IMMP2L: variants seen among roughly 807,000 people sequenced by gnomAD.
The protein encoded by IMMP2L is mitochondrial inner membrane protease subunit 2.
A neutral mutation model predicts 19.3 loss-of-function variants in IMMP2L; 18 were observed. That is an observed-to-expected ratio of 0.93 (90% CI 0.64 to 1.38). The LOEUF is 1.38. Among genes scored for constraint, IMMP2L ranks in the 40% most tolerant of loss-of-function variants. The pLI is 0.00. For synonymous variants in IMMP2L, 76 were observed against 73.0 expected (o/e 1.04, Z -0.21); for missense variants, 233 against 218.2 (o/e 1.07, Z -0.43).
intron 4 of IMMP2L, among the ~76,000 whole-genome samples, chr7:110,928,377 ACACACACACAC>A (rs1815094616): frequency 6.7e-6 from 1 of 149,568 alleles, no homozygotes; most frequent in African/African-American, 2.5e-5. Context: ...ACACACACAC[ACACACACACAC>A]ACACACACAC....
At position 111,388,209 on chromosome 7, in the gene IMMP2L, G is replaced by A. The variant is rs191424613; in HGVS notation, c.239+99029C>T. Among the ~76,000 whole-genome samples, 34 of 152,004 alleles carry A rather than the reference G, an allele frequency of 2.2e-4. No individual in the cohort carries two copies. The East Asian group carries it at 3.9e-3, about 17-fold the overall frequency. ...ATTAGCTGGCACAGACAGCAAGACC[G>A]GGACCAAATATTCAACCAGTTGGCT... On this transcript the variant is annotated intron_variant, in intron 3 of 5. Coordinates refer to ENST00000405709, the MANE Select transcript of IMMP2L (RefSeq NM_032549.4).
chr7:111,553,185 G>A (rs1162657036), intron 1 of IMMP2L, among the ~76,000 whole-genome samples: 1 of 152,098 alleles, frequency 6.6e-6, no homozygotes, highest in Non-Finnish European at 1.5e-5. Context: ...TACATATGAG[G>A]CTCAGAGAGG....
intron 3 of IMMP2L, among the ~76,000 whole-genome samples, chr7:111,381,062 T>C (rs1831152989): frequency 6.6e-6 from 1 of 151,996 alleles, no homozygotes; most frequent in Non-Finnish European, 1.5e-5. Flanking sequence ...GATGCCTGCA[T>C]TTCCATCAAC....
At chr7:110,910,180 T>TTTTAAA (rs1812903465) in intron 4 of IMMP2L, among the ~76,000 whole-genome samples, 3 of 152,094 alleles carry the variant, frequency 2.0e-5, no homozygotes, top group African/African-American at 7.2e-5. Context: ...CTAAGGGAAA[T>TTTTAAA]TTTAAAGCAG....
chr7:111,139,524 G>A (rs926556183), intron 3 of IMMP2L, among the ~76,000 whole-genome samples: 4 of 152,192 alleles, frequency 2.6e-5, no homozygotes, highest in South Asian at 2.1e-4. Context: ...TATGAGAAAG[G>A]AAAGAGATTT....
At chr7:110,936,951 G>A (rs1448120869) in intron 4 of IMMP2L, among the ~76,000 whole-genome samples, 1 of 152,062 alleles carries the variant, frequency 6.6e-6, no homozygotes, top group Non-Finnish European at 1.5e-5. Flanking sequence ...CACAGGAACA[G>A]AAAACCAAAC....
At chr7:110,863,388 C>T (rs1253594363) in intron 5 of IMMP2L, among the ~76,000 whole-genome samples, 2 of 152,122 alleles carry the variant, frequency 1.3e-5, no homozygotes, top group African/African-American at 2.4e-5. Context: ...GGAAAGTCCA[C>T]AGTATGATTT....
At chr7:111,226,528 G>A (rs150698682) in intron 3 of IMMP2L, among the ~76,000 whole-genome samples, 1 of 151,742 alleles carries the variant, frequency 6.6e-6, no homozygotes, top group Non-Finnish European at 1.5e-5. Context: ...TCTGCTTCTG[G>A]GGAATTAAAC....
intron 5 of IMMP2L, among the ~76,000 whole-genome samples, chr7:110,751,149 G>A (rs34869998): frequency 0.21 from 31,487 of 150,778 alleles, 3,957 homozygotes; most frequent in Non-Finnish European, 0.29. Flanking sequence ...TTTCCACTTC[G>A]TCCCTCACTA....
At chr7:111,423,962 G>T (rs1406500416) in intron 3 of IMMP2L, among the ~76,000 whole-genome samples, 1 of 151,766 alleles carries the variant, frequency 6.6e-6, no homozygotes, top group Non-Finnish European at 1.5e-5. Context: ...GATAATTATT[G>T]CAGATGGTCA....
chr7:111,208,031 C>T (rs1265029134), intron 3 of IMMP2L, among the ~76,000 whole-genome samples: 1 of 152,114 alleles, frequency 6.6e-6, no homozygotes, highest in Non-Finnish European at 1.5e-5. Flanking sequence ...AGACCCCCTA[C>T]CAAACAAACT....
intron 3 of IMMP2L, among the ~76,000 whole-genome samples, chr7:111,318,525 T>C (rs1584601007): frequency 6.6e-6 from 1 of 152,124 alleles, no homozygotes; most frequent in African/African-American, 2.4e-5. Context: ...ATGTAACCTA[T>C]AGCAGATCTG....
chr7:111,132,646 A>G lies in IMMP2L; in HGVS notation c.240-169081T>C, dbSNP rs565580403. On this transcript the variant is annotated intron_variant, in intron 3 of 5. Coordinates refer to ENST00000405709, the MANE Select transcript of IMMP2L (RefSeq NM_032549.4). ...CTTGGGTTCTTAGGAGTTCTACTTT[A>G]TAAATTGTATAATGTAGTTCAAGAG... 3.3e-5 allele frequency among the ~76,000 whole-genome samples: 5 copies of G among 152,128 alleles called. No individual in the cohort carries two copies. The East Asian group carries it at 9.6e-4, about 29-fold the overall frequency.
chr7:111,382,385 GA>G (rs1831285267), intron 3 of IMMP2L, among the ~76,000 whole-genome samples: 1 of 152,008 alleles, frequency 6.6e-6, no homozygotes, highest in Non-Finnish European at 1.5e-5. Flanking sequence ...TGGCAAGTCA[GA>G]GATCACTGAT....
intron 5 of IMMP2L, among the ~76,000 whole-genome samples, chr7:110,809,732 T>C (rs984785004): frequency 1.6e-4 from 25 of 152,054 alleles, no homozygotes; most frequent in African/African-American, 6.0e-4. Context: ...ACTACATTTC[T>C]CTAACAGGGC....
At position 111,152,737 on chromosome 7, in the gene IMMP2L, C is replaced by T. The variant is rs142089362; in HGVS notation, c.240-189172G>A. Among the ~76,000 whole-genome samples, 8 of 152,184 alleles carry T rather than the reference C, an allele frequency of 5.3e-5. No homozygotes were observed. The East Asian group carries it at 5.8e-4, about 11-fold the overall frequency. On this transcript the variant is annotated intron_variant, in intron 3 of 5. Coordinates refer to ENST00000405709, the MANE Select transcript of IMMP2L (RefSeq NM_032549.4). ...AAAAAGGCCATTATTTCATCTTCTC[C>T]GAAGTTTTACTACAAAAATAATGTC...
At chr7:111,547,324 A>G (rs574031977) in intron 1 of IMMP2L, among the ~76,000 whole-genome samples, 12 of 152,266 alleles carry the variant, frequency 7.9e-5, no homozygotes, top group African/African-American at 2.9e-4. Context: ...CACTGTTGCA[A>G]GTCAATTTAA....
chr7:110,842,697 C>T (rs10500003), intron 5 of IMMP2L, among the ~76,000 whole-genome samples: 61,619 of 152,044 alleles, frequency 0.41, 15,719 homozygotes, highest in African/African-American at 0.73. Flanking sequence ...AAGGATATGA[C>T]GGCATTTGCA....
intron 3 of IMMP2L, among the ~76,000 whole-genome samples, chr7:111,435,483 ATGG>A (rs1837066676): frequency 1.3e-5 from 2 of 151,968 alleles, no homozygotes; most frequent in East Asian, 3.9e-4. Context: ...ATGAGTACAC[ATGG>A]ACATACAGAG....
Sources: allele counts gnomAD v4.1 joint callset (sites outside exome capture counted in the v4.1 genomes callset), GRCh38; gene constraint gnomAD v4.1.1; transcripts MANE v1.5; gene names NCBI Gene and HGNC (gene_info 2026-07-23, HGNC 2026-07-21).